The following PPP1R9A variants were observed in gnomAD, a reference collection of about 807,000 sequenced individuals.
The protein encoded by PPP1R9A is neurabin-1.
In PPP1R9A, 59 loss-of-function variants were observed where a neutral mutation model predicts 141.9. The ratio of observed to expected loss-of-function variants is 0.42; its 90% CI spans 0.34 to 0.52. The LOEUF (loss-of-function observed/expected upper bound fraction) is 0.52, where lower values mean the gene tolerates loss of function less well. Among genes scored for constraint, PPP1R9A ranks in the 20% least tolerant of loss-of-function variants. The probability of loss-of-function intolerance (pLI) is 0.10; values close to 1 mark genes in which losing one functional copy is unlikely to be tolerated. For missense variants in PPP1R9A, 1,444 were observed against 1,611.9 expected (o/e 0.90, Z 1.78); for synonymous variants, 500 against 569.7 (o/e 0.88, Z 1.74).
intron 2 of PPP1R9A, among the ~76,000 whole-genome samples, chr7:95,104,646 G>A (rs963953487): frequency 6.6e-6 from 1 of 152,078 alleles, no homozygotes; most frequent in Middle Eastern, 3.2e-3. Flanking sequence ...ATACTCCCGG[G>A]CACACACTGG....
At chr7:95,278,556 C>T (rs1803607883) in intron 16 of PPP1R9A, among the ~76,000 whole-genome samples, 1 of 151,918 alleles carries the variant, frequency 6.6e-6, no homozygotes, top group Admixed American at 6.6e-5. Flanking sequence ...TAATTTCTAC[C>T]CCATTATTCA....
intron 2 of PPP1R9A, among the ~76,000 whole-genome samples, chr7:95,103,362 C>A (rs117947330): frequency 1.1e-5 from 1 of 88,816 alleles, no homozygotes; most frequent in South Asian, 3.1e-4. Context: ...TTTTTCACTT[C>A]TTTTTTTTTT....
At chr7:94,970,628 C>T (rs927209962) in intron 2 of PPP1R9A, among the ~76,000 whole-genome samples, 1 of 150,396 alleles carries the variant, frequency 6.6e-6, no homozygotes, top group African/African-American at 2.4e-5. Context: ...ATCTTGCCAG[C>T]CACCTTTTTT....
intron 2 of PPP1R9A, among the ~76,000 whole-genome samples, chr7:94,975,356 G>GTT (rs68186534): frequency 9.9e-5 from 12 of 120,754 alleles, no homozygotes; most frequent in Non-Finnish European, 1.6e-4. Flanking sequence ...GTTTTTTTTT[G>GTT]TTTTTTTTTT....
intron 2 of PPP1R9A, among the ~76,000 whole-genome samples, chr7:94,939,253 A>G (rs968494585): frequency 1.3e-5 from 2 of 152,128 alleles, no homozygotes; most frequent in African/African-American, 2.4e-5. Context: ...GAATTAAATT[A>G]ATATGTCAAG....
chr7:95,220,699 C>T (rs1436406385), intron 7 of PPP1R9A, among the ~76,000 whole-genome samples: 2 of 152,058 alleles, frequency 1.3e-5, no homozygotes, highest in Non-Finnish European at 2.9e-5. Context: ...CTGGCACTCT[C>T]TAGGAATGTT....
At chr7:94,963,742 A>C (rs1797900565) in intron 2 of PPP1R9A, among the ~76,000 whole-genome samples, 1 of 152,150 alleles carries the variant, frequency 6.6e-6, no homozygotes, top group Admixed American at 6.6e-5. Flanking sequence ...AATATTTGCA[A>C]TACTTTATGT....
Position 94,910,542 on chromosome 7 carries a change from A to G in PPP1R9A, c.429A>G (p.Arg143=). ...GPSYSKFTET[R]KMFERSVHES... ...CATATTCCAAGTTCACTGAGACTCG[A>G]AAGATGTTTGAGAGAAGTGTGCATG... Residue 143 remains arginine, a synonymous_variant, in exon 2 of 20, where the codon CGA becomes CGG. Transcript: ENST00000433360. This position sits in a 1 kb window ranked among gnomAD's most constrained non-coding sequence, Gnocchi z 4.5. 1 of 1,614,190 alleles carries G rather than the reference A, an allele frequency of 6.2e-7. No homozygotes were observed. The highest frequency in any genetic ancestry group is 2.2e-5 in the East Asian group (1 of 44,878).
rs192845255 is a variant in PPP1R9A at position 95,095,900 on chromosome 7, G to A, written c.1396-15359G>A. 7.2e-5 allele frequency among the ~76,000 whole-genome samples: 11 copies of A among 152,014 alleles called. 1 individual carries two copies. The East Asian group carries it at 2.1e-3, about 29-fold the overall frequency. On this transcript the variant is annotated intron_variant, in intron 2 of 19. Coordinates refer to ENST00000433360, the MANE Select transcript of PPP1R9A (RefSeq NM_001166160.2). ...TTTTTTTTCCCACCATGTGATGTCT[G>A]GCCTCAGCTTGAAGAGTTTAAAAAT...
intron 2 of PPP1R9A, among the ~76,000 whole-genome samples, chr7:94,944,655 A>C (rs1795705025): frequency 6.6e-6 from 1 of 152,070 alleles, no homozygotes; most frequent in South Asian, 2.1e-4. Flanking sequence ...TGGAAATCCC[A>C]AACCCTTTTC....
intron 2 of PPP1R9A, among the ~76,000 whole-genome samples, chr7:94,980,182 T>TAAAAA (rs71292968): frequency 5.5e-5 from 7 of 126,166 alleles, no homozygotes; most frequent in African/African-American, 2.1e-4. Flanking sequence ...GCTGATGAGC[T>TAAAAA]AAAAAAAAAA....
At chr7:95,105,375 T>C (rs1022371868) in intron 2 of PPP1R9A, among the ~76,000 whole-genome samples, 3 of 152,254 alleles carry the variant, frequency 2.0e-5, no homozygotes, top group African/African-American at 7.2e-5. Context: ...CTAACCGTGT[T>C]TGTAAACTTG....
At chr7:95,288,514 C>T in intron 18 of PPP1R9A, 22 bp from the exon 19 acceptor site, 1 of 1,611,542 alleles carries the variant, frequency 6.2e-7, no homozygotes, top group Non-Finnish European at 8.5e-7. Flanking sequence ...TTTAACAACA[C>T]TACGTAACAT....
chr7:94,931,549 T>TC lies in PPP1R9A; in HGVS notation c.1395+20042dup, dbSNP rs34190524. On this transcript the variant is annotated intron_variant, in intron 2 of 19. Transcript: ENST00000433360. ...AAATGCTCCTTTTAGGGATTTTTTT[T>TC]CTGCATGAATTAGACTGACTGGATT... Among the ~76,000 whole-genome samples, 280 of 152,288 alleles carry TC rather than the reference T, an allele frequency of 1.8e-3. 2 individuals are homozygous for TC. The highest frequency in any genetic ancestry group is 6.0e-3 in the African/African-American group (249 of 41,572).
chr7:94,993,264 A>G (rs532293671), intron 2 of PPP1R9A, among the ~76,000 whole-genome samples: 11 of 151,902 alleles, frequency 7.2e-5, no homozygotes, highest in South Asian at 2.1e-4. Context: ...CCATTGATCT[A>G]TTTGTCTTGT....
chr7:94,968,313 C>T (rs910578783), intron 2 of PPP1R9A, among the ~76,000 whole-genome samples: 4 of 151,268 alleles, frequency 2.6e-5, no homozygotes, highest in Admixed American at 2.6e-4. Flanking sequence ...GCTGGGACTA[C>T]AGGCGCCCGC....
intron 2 of PPP1R9A, among the ~76,000 whole-genome samples, chr7:95,015,286 G>A (rs1804956034): frequency 6.6e-6 from 1 of 151,560 alleles, no homozygotes; most frequent in Non-Finnish European, 1.5e-5. Context: ...ATCTGTTTCT[G>A]TGTTGATCTA....
At chr7:95,093,699 T>C (rs1044472725) in intron 2 of PPP1R9A, among the ~76,000 whole-genome samples, 3 of 152,204 alleles carry the variant, frequency 2.0e-5, no homozygotes, top group Non-Finnish European at 4.4e-5. Flanking sequence ...TTTGGTAATA[T>C]TAACAAATGT....
rs1396995171 is a variant in PPP1R9A at position 95,237,496 on chromosome 7, A to G, written c.2113-9977A>G. Among the ~76,000 whole-genome samples the G allele has an allele frequency of 3.3e-5, 5 of 152,046 alleles. No homozygotes were observed. In the South Asian group the frequency reaches 8.3e-4, roughly 25 times the overall value. On this transcript the variant is annotated intron_variant, in intron 8 of 19. Coordinates refer to ENST00000433360, the MANE Select transcript of PPP1R9A (RefSeq NM_001166160.2). ...CAGGCATGAGCCACCATGCCCAGCC[A>G]TATTTTTTTATATATAAATAAGATT...
Sources: allele counts gnomAD v4.1 joint callset (sites outside exome capture counted in the v4.1 genomes callset), GRCh38; gene constraint gnomAD v4.1.1; non-coding constraint Gnocchi (gnomAD v3.1); transcripts MANE v1.5; gene names NCBI Gene and HGNC (gene_info 2026-07-23, HGNC 2026-07-21).